The following FCHSD2 variants were observed in gnomAD, a reference collection of about 807,000 sequenced individuals.
FCHSD2 encodes FCH and double SH3 domains 2.
Under a neutral mutation model 108.1 loss-of-function variants are expected in FCHSD2, and 38 were observed. The ratio of observed to expected loss-of-function variants is 0.35; its 90% CI spans 0.27 to 0.46. The LOEUF (loss-of-function observed/expected upper bound fraction) is 0.46, where lower values mean the gene tolerates loss of function less well. Among genes scored for constraint, FCHSD2 ranks in the 20% least tolerant of loss-of-function variants. The pLI is 1.00. For synonymous variants in FCHSD2, 279 were observed against 314.7 expected, an observed-to-expected ratio of 0.89 and a Z score of 1.20; for missense variants, 751 against 897.8, an observed-to-expected ratio of 0.84 and a Z score of 2.09.
chr11:73,022,542 T>A (rs1165888278), intron 3 of FCHSD2, among the ~76,000 whole-genome samples: 1 of 152,206 alleles, frequency 6.6e-6, no homozygotes, highest in Admixed American at 6.5e-5. Context: ...GTTTGCAGGA[T>A]CTGTATGTGG....
At chr11:73,124,788 T>C (rs1027446231) in intron 2 of FCHSD2, among the ~76,000 whole-genome samples, 1 of 149,938 alleles carries the variant, frequency 6.7e-6, no homozygotes, top group African/African-American at 2.4e-5. Flanking sequence ...GGCCAGAAGT[T>C]TCCCAGGTTT....
At chr11:72,946,163 T>C (rs1370524554) in intron 8 of FCHSD2, among the ~76,000 whole-genome samples, 3 of 151,990 alleles carry the variant, frequency 2.0e-5, no homozygotes, top group South Asian at 2.1e-4. Context: ...CCAACAATGA[T>C]AGACTGGATT....
chr11:72,851,125 G>A (rs887198480), intron 13 of FCHSD2, among the ~76,000 whole-genome samples: 12 of 70,816 alleles, frequency 1.7e-4, no homozygotes, highest in South Asian at 4.8e-4. Flanking sequence ...AAAAAAAAAA[G>A]GTTGCTAAGT....
intron 8 of FCHSD2, among the ~76,000 whole-genome samples, chr11:72,942,078 T>C (rs1020328450): frequency 6.6e-6 from 1 of 152,218 alleles, no homozygotes; most frequent in Non-Finnish European, 1.5e-5. Flanking sequence ...TGATCTCCAA[T>C]GTTGGAGGTG....
chr11:72,860,811 CTGTT>C (rs1026856364), intron 13 of FCHSD2, among the ~76,000 whole-genome samples: 2 of 150,444 alleles, frequency 1.3e-5, no homozygotes, highest in African/African-American at 2.5e-5. Flanking sequence ...GAGCAAGACT[CTGTT>C]TGAAAAAAAA....
At chr11:72,988,717 C>T (rs1041949097) in intron 6 of FCHSD2, among the ~76,000 whole-genome samples, 1 of 152,138 alleles carries the variant, frequency 6.6e-6, no homozygotes, top group African/African-American at 2.4e-5. Flanking sequence ...TGTTCATTTA[C>T]CTTCTTTTTC....
intron 13 of FCHSD2, among the ~76,000 whole-genome samples, chr11:72,857,563 G>A (rs1022494092): frequency 1.7e-4 from 26 of 150,262 alleles, no homozygotes; most frequent in African/African-American, 5.6e-4. Flanking sequence ...CTCAGCCTCC[G>A]GAGTAGCTGG....
intron 3 of FCHSD2, among the ~76,000 whole-genome samples, chr11:73,035,686 A>C (rs1858475719): frequency 6.9e-6 from 1 of 145,426 alleles, no homozygotes; most frequent in Non-Finnish European, 1.5e-5. Context: ...ACAGTACTGA[A>C]ATGTTCAGTT....
intron 3 of FCHSD2, among the ~76,000 whole-genome samples, chr11:73,033,044 T>C (rs1235782890): frequency 6.6e-6 from 1 of 151,996 alleles, no homozygotes; most frequent in East Asian, 1.9e-4. Context: ...ATCCCAGCAC[T>C]TTGGGGGGCT....
intron 3 of FCHSD2, among the ~76,000 whole-genome samples, chr11:73,019,232 A>C (rs1858043707): frequency 6.6e-6 from 1 of 152,242 alleles, no homozygotes; most frequent in Admixed American, 6.5e-5. Flanking sequence ...GCAGAATGAC[A>C]GCACTCTAAA....
chr11:73,037,944 CTT>C (rs1858538850), intron 3 of FCHSD2, among the ~76,000 whole-genome samples: 3 of 152,126 alleles, frequency 2.0e-5, no homozygotes, highest in Non-Finnish European at 4.4e-5. Context: ...GAGTGGGAAA[CTT>C]ATTTTATTTT....
chr11:73,042,308 G>C (rs1858659912), intron 3 of FCHSD2, among the ~76,000 whole-genome samples: 1 of 152,176 alleles, frequency 6.6e-6, no homozygotes, highest in Non-Finnish European at 1.5e-5. Context: ...ATTTATTAAA[G>C]ATGGTATCCT....
intron 3 of FCHSD2, among the ~76,000 whole-genome samples, chr11:73,022,438 T>C (rs539888308): frequency 3.9e-5 from 6 of 152,320 alleles, no homozygotes; most frequent in African/African-American, 1.2e-4. Flanking sequence ...AACGTCAATA[T>C]TCCAAAGTTA....
intron 2 of FCHSD2, among the ~76,000 whole-genome samples, chr11:73,116,843 T>C (rs1277649626): frequency 1.3e-5 from 2 of 152,162 alleles, no homozygotes; most frequent in Non-Finnish European, 2.9e-5. Context: ...GGCCCATATC[T>C]CTTTTTTTAG....
intron 5 of FCHSD2, among the ~76,000 whole-genome samples, chr11:72,998,683 A>G (rs1301618289): frequency 1.3e-5 from 2 of 152,236 alleles, no homozygotes; most frequent in Non-Finnish European, 2.9e-5. Flanking sequence ...AGAAGCTAAT[A>G]GTGGAGGAAA....
intron 8 of FCHSD2, among the ~76,000 whole-genome samples, chr11:72,972,736 C>T (rs1218499289): frequency 6.6e-6 from 1 of 152,170 alleles, no homozygotes; most frequent in African/African-American, 2.4e-5. Flanking sequence ...CCCCATATTC[C>T]ATAAGCCCCT....
chr11:73,078,605 A>G (rs2135508584), intron 3 of FCHSD2, among the ~76,000 whole-genome samples: 1 of 152,064 alleles, frequency 6.6e-6, no homozygotes, highest in Non-Finnish European at 1.5e-5. Context: ...AAGTTCAAAA[A>G]TTAGAAATCC....
rs1857484015 is a variant in FCHSD2 at position 72,994,482 on chromosome 11, C to T, written c.388-5385G>A. Among the ~76,000 whole-genome samples, 3 of 152,148 alleles carry T rather than the reference C, an allele frequency of 2.0e-5. No individual in the cohort carries two copies. In the South Asian group the frequency reaches 6.2e-4, roughly 32 times the overall value. On this transcript the variant is annotated intron_variant, in intron 5 of 19. Coordinates refer to ENST00000409418, the MANE Select transcript of FCHSD2 (RefSeq NM_014824.3). The stretch of plus-strand genomic sequence containing the variant: ...AGATGTTAAATAATTTACTCTGAGT[C>T]ACACGGCAAGGATGTGATGATACCA...
At chr11:73,003,019 T>C (rs1461380648) in intron 4 of FCHSD2, among the ~76,000 whole-genome samples, 1 of 152,210 alleles carries the variant, frequency 6.6e-6, no homozygotes, top group African/African-American at 2.4e-5. Context: ...AATGGATGAA[T>C]GTATTAACTA....
Sources: gnomAD v4.1 joint callset for allele counts (sites outside exome capture counted in the v4.1 genomes callset) on GRCh38, gnomAD v4.1.1 for gene constraint, MANE v1.5 for transcripts, NCBI Gene and HGNC (gene_info 2026-07-23, HGNC 2026-07-21) for gene names.